The following PANK1 variants were observed in gnomAD, a reference collection of about 807,000 sequenced individuals.
PANK1 encodes pantothenate kinase 1, also known as pantothenic acid kinase 1.
In PANK1, 18 loss-of-function variants were observed where a neutral mutation model predicts 40.1. The ratio of observed to expected loss-of-function variants is 0.45; its 90% confidence interval spans 0.31 to 0.67. PANK1 has a LOEUF of 0.67. Ranked by LOEUF, PANK1 falls within the 30% of genes least tolerant of loss-of-function variation. The pLI is 0.06. For missense variants in PANK1, 457 were observed against 599.6 expected (o/e 0.76, Z 2.48); for synonymous variants, 242 against 237.7 (o/e 1.02, Z -0.17).
downstream of PANK1, chr10:89,582,768 G>T (rs1426504935): frequency 6.6e-6 from 1 of 152,084 alleles, no homozygotes; most frequent in African/African-American, 2.4e-5. Context: ...GCATTAAGGA[G>T]TCACTTGTAT....
At chr10:89,621,492 T>C (rs6586209) in intron 1 of PANK1, among the ~76,000 whole-genome samples, 121,312 of 152,138 alleles carry the variant, frequency 0.8, 49,019 homozygotes, top group African/African-American at 0.92. Context: ...AGGTTGAGTC[T>C]AACATCCTGT....
chr10:89,589,542 C>A (rs893993627), intron 5 of PANK1, among the ~76,000 whole-genome samples: 1 of 152,056 alleles, frequency 6.6e-6, no homozygotes, highest in African/African-American at 2.4e-5. Flanking sequence ...AGACTGCTCA[C>A]CACTCACTCA....
At chr10:89,601,966 C>T (rs1276462268) in intron 2 of PANK1, among the ~76,000 whole-genome samples, 3 of 152,194 alleles carry the variant, frequency 2.0e-5, no homozygotes, top group Non-Finnish European at 4.4e-5. Context: ...CTTGCTGCCC[C>T]TTAGCACTAT....
intron 5 of PANK1, among the ~76,000 whole-genome samples, chr10:89,590,035 G>GAAAAAAAAA (rs11389233): frequency 3.0e-5 from 3 of 100,334 alleles, no homozygotes; most frequent in African/African-American, 3.6e-5. Context: ...TGTTAAAAAA[G>GAAAAAAAAA]AAAAAAAAAA....
intron 1 of PANK1, among the ~76,000 whole-genome samples, chr10:89,615,251 G>A (rs983524339): frequency 2.6e-5 from 4 of 152,224 alleles, no homozygotes; most frequent in African/African-American, 9.6e-5. Context: ...ATCTAGTTCT[G>A]TACCAGAAAT....
chr10:89,593,967 C>T lies in PANK1; in HGVS notation c.922G>A (p.Gly308Ser). Residue 308 changes from glycine (G) to serine (S), a missense_variant, in exon 4 of 7, where the codon GGC (glycine) becomes AGC (serine). This residue lies in a region of PANK1 where 286 missense variants were observed against 415.8 expected (regional missense o/e 0.69). Coordinates refer to ENST00000307534, the MANE Select transcript of PANK1 (RefSeq NM_148977.3). The stretch of plus-strand genomic sequence containing the variant: ...CAACCAGTCAGCAAGCAACATAGGC[C>T]TAGGAATGTTCCACCTCCAAGACTG... ...GTSLGGGTFL[G>S]LCCLLTGCET... 6.2e-7 allele frequency: 1 copy of T among 1,613,372 alleles called. No homozygotes were observed. Among genetic ancestry groups the T allele is most frequent in the East Asian group, 2.2e-5 (1 of 44,872 alleles).
At chr10:89,624,928 C>A (rs187840059) in intron 1 of PANK1, among the ~76,000 whole-genome samples, 2 of 152,288 alleles carry the variant, frequency 1.3e-5, no homozygotes, top group Non-Finnish European at 2.9e-5. Context: ...TGAGATGGGG[C>A]CTCACTGTTG....
Position 89,643,998 on chromosome 10 carries a change from A to T in PANK1, c.292+602T>A, listed in dbSNP as rs1589827427. On this transcript the variant is annotated intron_variant, in intron 1 of 6. Transcript: ENST00000307534. ...ATTGGTCCACATAGTTCCGGCCCACATGGTATCAGTGGGTGTGTCCCTCCC... is the reference window on the plus strand; with the variant it reads ...ATTGGTCCACATAGTTCCGGCCCACTTGGTATCAGTGGGTGTGTCCCTCCC... 7.2e-6 allele frequency: 4 copies of T among 557,170 alleles called. No homozygotes were observed. The Admixed American group carries it at 1.5e-4, about 21-fold the overall frequency. 34.5% of individuals were successfully genotyped at this position (557,170 alleles called of 1,614,324 possible).
rs749779715 is a variant in PANK1 at position 89,645,056 on chromosome 10, C to A, written c.-165G>T. ...ACCCGGCGCTCCTCCCCTCCTCCTGCCGACTCCCCCACCTCCTCTGCGCCC... is the reference window on the plus strand; with the variant it reads ...ACCCGGCGCTCCTCCCCTCCTCCTGACGACTCCCCCACCTCCTCTGCGCCC... On this transcript the variant is annotated 5_prime_UTR_variant, in exon 1 of 7. Coordinates refer to ENST00000307534, the MANE Select transcript of PANK1 (RefSeq NM_148977.3). 16 of 1,561,022 alleles carry A rather than the reference C, an allele frequency of 1.0e-5. No individual in the cohort carries two copies. The highest frequency in any genetic ancestry group is 1.4e-5 in the Non-Finnish European group (16 of 1,158,440).
At chr10:89,599,036 C>T (rs1589771372) in intron 3 of PANK1, 1 of 516,546 alleles carries the variant, frequency 1.9e-6, no homozygotes, top group Non-Finnish European at 3.4e-6. Flanking sequence ...TTCCCTCAAC[C>T]TGACCAAAGT....
intron 3 of PANK1, among the ~76,000 whole-genome samples, chr10:89,595,873 T>TAA (rs1554837976): frequency 0.022 from 1,748 of 81,156 alleles, 131 homozygotes; most frequent in East Asian, 0.059. Flanking sequence ...TATATATATA[T>TAA]AACTTCATTT....
chr10:89,592,702 C>A (rs752209450), intron 5 of PANK1: 24 of 533,210 alleles, frequency 4.5e-5, no homozygotes, highest in Non-Finnish European at 8.9e-5. Flanking sequence ...AGCTCCACCC[C>A]TTTTTGTGCC....
At position 89,644,713 on chromosome 10, in the gene PANK1, C is replaced by T. The variant is rs544924571; in HGVS notation, c.179G>A (p.Arg60His). ...PVGGSDAAPQ[R>H]LPLLPELQPQ... ...CTGCAGCTCCGGCAGGAGCGGGAGGCGCTGGGGCGCCGCGTCGCTGCCGCC... is the reference window on the plus strand; with the variant it reads ...CTGCAGCTCCGGCAGGAGCGGGAGGTGCTGGGGCGCCGCGTCGCTGCCGCC... The change falls in exon 1 of 7, where the codon CGC (arginine) becomes CAC (histidine). Residue 60 changes from arginine to histidine, a missense_variant. Arg to His is a conservative substitution (Grantham distance 29, BLOSUM62 0). Coordinates refer to ENST00000307534, the MANE Select transcript of PANK1 (RefSeq NM_148977.3). 3 of 1,536,642 alleles carry T rather than the reference C, an allele frequency of 2.0e-6. No individual in the cohort carries two copies. The East Asian group carries it at 7.5e-5, about 38-fold the overall frequency.
intron 1 of PANK1, among the ~76,000 whole-genome samples, chr10:89,615,212 CA>C (rs1311163025): frequency 6.6e-6 from 1 of 152,146 alleles, no homozygotes; most frequent in Non-Finnish European, 1.5e-5. Context: ...CAACAAGACC[CA>C]AACAAGCTAC....
chr10:89,599,290 C>T lies in PANK1; in HGVS notation c.861G>A (p.Val287=), dbSNP rs752390048. ...NMGSGVSILA[V]YSKDNYKRVT... The stretch of plus-strand genomic sequence containing the variant: ...CTCTTTTATAGTTGTCCTTGGAGTA[C>T]ACGGCTAGAATGCTGACACCTGAGC... Residue 287 remains valine (V), a synonymous_variant, in exon 3 of 7, where the codon GTG becomes GTA. Transcript: ENST00000307534. 1 of 1,614,000 alleles carries T rather than the reference C, an allele frequency of 6.2e-7. No homozygotes were observed. Among genetic ancestry groups the T allele is most frequent in the Non-Finnish European group, 8.5e-7 (1 of 1,179,896 alleles).
chr10:89,641,714 A>T (rs1201443020), intron 1 of PANK1, among the ~76,000 whole-genome samples: 1 of 151,922 alleles, frequency 6.6e-6, no homozygotes, highest in African/African-American at 2.4e-5. Context: ...CCTCGGCGAC[A>T]GAGCGAGAAT....
chr10:89,585,036 A>C (rs912443300), intron 6 of PANK1, among the ~76,000 whole-genome samples: 1 of 152,224 alleles, frequency 6.6e-6, no homozygotes, highest in East Asian at 1.9e-4. Flanking sequence ...TAGTTTGTTC[A>C]GGCTGCTATA....
At chr10:89,603,025 G>T (rs1844833640) in intron 2 of PANK1, among the ~76,000 whole-genome samples, 1 of 152,054 alleles carries the variant, frequency 6.6e-6, no homozygotes, top group African/African-American at 2.4e-5. Flanking sequence ...ATATCCTAAT[G>T]CTGATCCTAT....
intron 6 of PANK1, among the ~76,000 whole-genome samples, chr10:89,587,578 C>A (rs557732369): frequency 6.6e-6 from 1 of 152,066 alleles, no homozygotes; most frequent in African/African-American, 2.4e-5. Context: ...TTTAAGGAAA[C>A]AAACTGGAAA....
Sources: gnomAD v4.1 joint callset for allele counts (sites outside exome capture counted in the v4.1 genomes callset) on GRCh38, gnomAD v4.1.1 for gene constraint, gnomAD v4.1.1 regional missense constraint, MANE v1.5 for transcripts, NCBI Gene and HGNC (gene_info 2026-07-23, HGNC 2026-07-21) for gene names.